The following PCNX1 variants were observed in gnomAD, a reference collection of about 807,000 sequenced individuals.
PCNX1 encodes the protein pecanex-like protein 1.
PCNX1 carries 78 observed loss-of-function variants against 242.2 expected under a neutral mutation model. The observed-to-expected ratio is 0.32, with a 90% confidence interval of 0.27 to 0.39. PCNX1 has a LOEUF of 0.39. Among genes scored for constraint, PCNX1 ranks in the 10% least tolerant of loss-of-function variants. The pLI, the probability that PCNX1 is intolerant of heterozygous loss-of-function variation, is 1.00. For missense variants in PCNX1, 2,581 were observed against 2,856.5 expected, an observed-to-expected ratio of 0.90 and a Z score of 2.20; for synonymous variants, 1,024 against 1,032.9, an observed-to-expected ratio of 0.99 and a Z score of 0.17.
rs371060085 is a variant in PCNX1 at position 71,013,167 on chromosome 14, C to G, written c.2961C>G (p.Asn987Lys). The G allele has an allele frequency of 6.2e-7, 1 of 1,614,050 alleles. No homozygotes were observed. Among genetic ancestry groups the G allele is most frequent in the Non-Finnish European group, 8.5e-7 (1 of 1,179,928 alleles). Reference protein sequence around the residue: ...WILPQLWIGINFDRLTLLALF... With the variant: ...WILPQLWIGIKFDRLTLLALF... ...TACCCCAGCTGTGGATTGGCATTAA[C>G]TTTGACAGACTCACACTTTTGGCCC... The change falls in exon 11 of 36, where the codon AAC (asparagine) becomes AAG (lysine). Residue 987 changes from asparagine (N) to lysine (K), a missense_variant. By Grantham distance (94) the Asn-to-Lys change is moderately conservative. Coordinates refer to ENST00000304743, the MANE Select transcript of PCNX1 (RefSeq NM_014982.3).
chr14:70,962,180 G>A, intron 2 of PCNX1, 46 bp from the exon 3 acceptor site: 1 of 1,127,094 alleles, frequency 8.9e-7, no homozygotes, highest in South Asian at 1.3e-5. Flanking sequence ...AAGCATTGGA[G>A]TCAGAATAAT....
intron 26 of PCNX1, among the ~76,000 whole-genome samples, chr14:71,071,289 G>A (rs1290105647): frequency 1.3e-5 from 2 of 152,172 alleles, no homozygotes; most frequent in Admixed American, 1.3e-4. Flanking sequence ...GTTCACTGGA[G>A]TAGCACTTTT....
intron 8 of PCNX1, among the ~76,000 whole-genome samples, chr14:71,007,210 TTA>T (rs1008688779): frequency 2.0e-5 from 3 of 152,190 alleles, no homozygotes; most frequent in Middle Eastern, 3.4e-3. Context: ...TTTGCATTCT[TTA>T]TGTTTATTTA....
rs942346855 is a variant in PCNX1 at position 71,045,159 on chromosome 14, A to G, written c.3894A>G (p.Thr1298=). The G allele has an allele frequency of 2.5e-6, 4 of 1,611,912 alleles. No homozygotes were observed. Among genetic ancestry groups the G allele is most frequent in the Non-Finnish European group, 2.5e-6 (3 of 1,179,198 alleles). The change falls in exon 20 of 36, where the codon ACA becomes ACG. Residue 1298 remains threonine (T), a synonymous_variant. Coordinates refer to ENST00000304743, the MANE Select transcript of PCNX1 (RefSeq NM_014982.3). Reference sequence around the variant, plus strand: ...CTGCCCTCAAGTATGTGTTGTATACATTGGTTGGCTTTGTGGGTTTTGTAA... The same window carrying G: ...CTGCCCTCAAGTATGTGTTGTATACGTTGGTTGGCTTTGTGGGTTTTGTAA... ...LQPALKYVLY[T]LVGFVGFVTH...
chr14:71,031,839 T>A (rs939483323), intron 16 of PCNX1: 1 of 1,488,924 alleles, frequency 6.7e-7, no homozygotes, highest in African/African-American at 1.4e-5. Flanking sequence ...TGGCATCGTC[T>A]GGCTTCAGGT....
intron 16 of PCNX1, among the ~76,000 whole-genome samples, chr14:71,031,407 C>A (rs573401946): frequency 4.1e-4 from 63 of 152,296 alleles, no homozygotes; most frequent in Non-Finnish European, 1.5e-5. Flanking sequence ...GTGCCCAGTG[C>A]ACCAACAGCA....
Position 71,109,018 on chromosome 14 carries a change from G to A in PCNX1, c.6716G>A (p.Arg2239Lys). The A allele has an allele frequency of 6.2e-7, 1 of 1,613,410 alleles. No individual in the cohort carries two copies. The change falls in exon 34 of 36, where the codon AGA becomes AAA. Residue 2239 changes from arginine to lysine, a missense_variant. Arg to Lys is a conservative substitution (Grantham distance 26, BLOSUM62 2). Coordinates refer to ENST00000304743, the MANE Select transcript of PCNX1 (RefSeq NM_014982.3). ...AGTCCTGCCAACAATTCACACTCCA[G>A]AAAGGCAGAAGTGATTTACAGAGTC... ...TLSPANNSHS[R>K]KAEVIYRVQI... is the part of the protein sequence containing the mutation.
rs1470070056 is a variant in PCNX1 at position 70,978,769 on chromosome 14, T to C, written c.2311+121T>C. The C allele has an allele frequency of 4.5e-6, 4 of 887,982 alleles. No individual in the cohort carries two copies. The East Asian group carries it at 1.1e-4, about 24-fold the overall frequency. 55.0% of individuals were successfully genotyped at this position (887,982 alleles called of 1,614,324 possible). ...TCCCCCTTCCACTGTGTTATTAAAA[T>C]AAGCTTTCTTGAATGAAGAAGTAGG... On this transcript the variant is annotated intron_variant, in intron 6 of 35. Coordinates refer to ENST00000304743, the MANE Select transcript of PCNX1 (RefSeq NM_014982.3).
intron 33 of PCNX1, 45 bp from the exon 34 acceptor site, chr14:71,108,559 C>T (rs1440702620): frequency 6.8e-6 from 10 of 1,463,760 alleles, no homozygotes; most frequent in Non-Finnish European, 8.4e-6. Flanking sequence ...AGTATTGTGT[C>T]TGAGTCATTC....
At chr14:71,083,663 C>T (rs183305125) in intron 28 of PCNX1, among the ~76,000 whole-genome samples, 9 of 152,050 alleles carry the variant, frequency 5.9e-5, no homozygotes, top group Admixed American at 5.2e-4. Context: ...CTTTTGTATG[C>T]TTCACAAAGT....
At chr14:70,953,967 A>G (rs1374464998) in intron 2 of PCNX1, among the ~76,000 whole-genome samples, 1 of 152,110 alleles carries the variant, frequency 6.6e-6, no homozygotes, top group African/African-American at 2.4e-5. Flanking sequence ...GCGCCTGGCT[A>G]GCATTTTTGT....
chr14:71,106,108 G>T (rs1458477769), intron 33 of PCNX1, among the ~76,000 whole-genome samples: 1 of 151,938 alleles, frequency 6.6e-6, no homozygotes, highest in East Asian at 1.9e-4. Flanking sequence ...CTGCCTCCTG[G>T]GTTCACACCA....
intron 7 of PCNX1, among the ~76,000 whole-genome samples, chr14:70,995,297 G>C (rs2059315055): frequency 6.6e-6 from 1 of 152,162 alleles, no homozygotes; most frequent in Admixed American, 6.5e-5. Flanking sequence ...TTGTGAGTTT[G>C]AGATCTCAGA....
intron 5 of PCNX1, among the ~76,000 whole-genome samples, chr14:70,972,713 G>C (rs965920420): frequency 9.2e-5 from 14 of 152,162 alleles, no homozygotes; most frequent in Non-Finnish European, 2.1e-4. Flanking sequence ...CATGATTCAG[G>C]ATGACTGGGG....
chr14:71,048,033 T>C (rs764974793), intron 22 of PCNX1, 49 bp downstream of exon 22: 1 of 1,359,170 alleles, frequency 7.4e-7, no homozygotes, highest in East Asian at 2.3e-5. Flanking sequence ...ACTATCTCCC[T>C]GGGTTATATG....
At chr14:71,086,251 G>T (rs1047691297) in intron 28 of PCNX1, among the ~76,000 whole-genome samples, 1 of 152,266 alleles carries the variant, frequency 6.6e-6, no homozygotes, top group East Asian at 1.9e-4. Flanking sequence ...AGTTAAAATA[G>T]TTGTTTTAAT....
intron 20 of PCNX1, 134 bp downstream of exon 20, chr14:71,045,417 G>A (rs1336288611): frequency 1.8e-5 from 12 of 651,868 alleles, no homozygotes; most frequent in South Asian, 4.1e-5. Flanking sequence ...GTTTGAAGCC[G>A]TTAATGAATC....
At chr14:70,932,466 T>G (rs2056839080) in intron 1 of PCNX1, among the ~76,000 whole-genome samples, 1 of 152,140 alleles carries the variant, frequency 6.6e-6, no homozygotes, top group Non-Finnish European at 1.5e-5. Context: ...AGACACAGGC[T>G]TCATGTTTGT....
At chr14:70,947,203 C>T (rs2057491961) in intron 2 of PCNX1, 80 bp downstream of exon 2, 2 of 1,066,304 alleles carry the variant, frequency 1.9e-6, no homozygotes, top group African/African-American at 3.2e-5. Flanking sequence ...TTATATTGTA[C>T]TTGTTTTCTT....
Sources: allele counts gnomAD v4.1 joint callset (sites outside exome capture counted in the v4.1 genomes callset), GRCh38; gene constraint gnomAD v4.1.1; transcripts MANE v1.5; gene names NCBI Gene and HGNC (gene_info 2026-07-23, HGNC 2026-07-21).